FOXN3: variants seen among roughly 807,000 people sequenced by gnomAD.
The protein encoded by FOXN3 is forkhead box protein N3.
FOXN3 carries 7 observed loss-of-function variants against 38.4 expected under a neutral mutation model. That is an observed-to-expected ratio of 0.18 (90% confidence interval 0.10 to 0.34). The LOEUF (loss-of-function observed/expected upper bound fraction) is 0.34, where lower values mean the gene tolerates loss of function less well. Among genes scored for constraint, FOXN3 ranks in the 10% least tolerant of loss-of-function variants. The probability of loss-of-function intolerance (pLI) is 1.00; values close to 1 mark genes in which losing one functional copy is unlikely to be tolerated. For synonymous variants in FOXN3, 230 were observed against 242.2 expected, an observed-to-expected ratio of 0.95 and a Z score of 0.47; for missense variants, 456 against 613.4, an observed-to-expected ratio of 0.74 and a Z score of 2.71.
intron 2 of FOXN3, among the ~76,000 whole-genome samples, chr14:89,398,000 C>T (rs1342148933): frequency 6.6e-6 from 1 of 152,158 alleles, no homozygotes; most frequent in Non-Finnish European, 1.5e-5. Context: ...TCCCTGTCGC[C>T]AGCCCCAGTC....
At chr14:89,202,818 T>A (rs935827508) in intron 4 of FOXN3, among the ~76,000 whole-genome samples, 4 of 152,180 alleles carry the variant, frequency 2.6e-5, no homozygotes, top group Admixed American at 2.6e-4. Context: ...GCCATGAAGT[T>A]GTACAGCCTA....
At chr14:89,318,074 A>C (rs1382671354) in intron 3 of FOXN3, among the ~76,000 whole-genome samples, 2 of 151,268 alleles carry the variant, frequency 1.3e-5, no homozygotes, top group Non-Finnish European at 2.9e-5. Context: ...ATATCCCCCA[A>C]CTAGCCAGTA....
intron 2 of FOXN3, among the ~76,000 whole-genome samples, chr14:89,379,259 T>C (rs931594535): frequency 6.6e-6 from 1 of 152,204 alleles, no homozygotes; most frequent in African/African-American, 2.4e-5. Context: ...CTGGCTGTGC[T>C]GAAACCCATG....
rs139711875 is a variant in FOXN3, at chr14:89,483,098, T to C, written c.-14-70608A>G. On this transcript the variant is annotated intron_variant, in intron 1 of 6. Coordinates refer to the FOXN3 transcript ENST00000345097. ...GGCGCGCTTCTGTAATCCCAGCTAC[T>C]CGGGGGACTGAAGCAGGAGAATCGC... Among the ~76,000 whole-genome samples the C allele has an allele frequency of 6.7e-4, 102 of 152,110 alleles. 3 individuals carry two copies. The East Asian group carries it at 0.017, about 26-fold the overall frequency.
At chr14:89,579,860 T>C (rs1895710714) in intron 1 of FOXN3, among the ~76,000 whole-genome samples, 2 of 152,184 alleles carry the variant, frequency 1.3e-5, no homozygotes, top group African/African-American at 4.8e-5. Context: ...GTGTCTTCAA[T>C]TGAATCATAG....
chr14:89,436,452 G>GT (rs1445473329), intron 1 of FOXN3, among the ~76,000 whole-genome samples: 1 of 152,156 alleles, frequency 6.6e-6, no homozygotes, highest in Non-Finnish European at 1.5e-5. Flanking sequence ...CACATTTGTG[G>GT]TTTCCTCTCC....
intron 4 of FOXN3, among the ~76,000 whole-genome samples, chr14:89,240,003 A>G (rs116967210): frequency 6.6e-6 from 1 of 152,370 alleles, no homozygotes; most frequent in Non-Finnish European, 1.5e-5. Context: ...TTGTTCATCC[A>G]GCAGTGACTG....
chr14:89,476,706 C>T (rs1566669331), intron 1 of FOXN3, among the ~76,000 whole-genome samples: 2 of 152,204 alleles, frequency 1.3e-5, no homozygotes, highest in Non-Finnish European at 2.9e-5. Context: ...CGCCACATTT[C>T]CACCAGGAGA....
chr14:89,225,277 C>G (rs1051830587), intron 4 of FOXN3, among the ~76,000 whole-genome samples: 1 of 151,974 alleles, frequency 6.6e-6, no homozygotes, highest in Non-Finnish European at 1.5e-5. Context: ...TGCACACCAG[C>G]CTGGGTGACA....
intron 4 of FOXN3, among the ~76,000 whole-genome samples, chr14:89,277,235 G>A (rs527958185): frequency 2.6e-5 from 4 of 152,264 alleles, no homozygotes; most frequent in East Asian, 3.9e-4. Flanking sequence ...CATAGAGACC[G>A]TAACACAGAG....
chr14:89,363,543 A>G (rs1368220632), intron 2 of FOXN3, among the ~76,000 whole-genome samples: 1 of 152,202 alleles, frequency 6.6e-6, no homozygotes, highest in Non-Finnish European at 1.5e-5. Context: ...TTAGCTTCAC[A>G]ATCTCTTCAT....
At chr14:89,396,072 C>T (rs1891090931) in intron 2 of FOXN3, among the ~76,000 whole-genome samples, 1 of 152,158 alleles carries the variant, frequency 6.6e-6, no homozygotes, top group Admixed American at 6.5e-5. Flanking sequence ...TGTCCAGAGA[C>T]TCATTCGAAG....
At chr14:89,286,372 C>T (rs1454700233) in intron 3 of FOXN3, among the ~76,000 whole-genome samples, 1 of 152,112 alleles carries the variant, frequency 6.6e-6, no homozygotes. Context: ...AAGCAGAAAG[C>T]CCAAACCAAC....
chr14:89,305,293 C>T lies in FOXN3; in HGVS notation c.681-24279G>A, dbSNP rs20496. Among the ~76,000 whole-genome samples the T allele has an allele frequency of 4.0e-3, 605 of 152,260 alleles. 1 individual carries two copies. The highest frequency in any genetic ancestry group is 0.019 in the South Asian group (93 of 4,830). ...CTGGAGCTTCACATATGTTTCAGAA[C>T]CCATCGTTCAACAAAAACCTCAGAT... On this transcript the variant is annotated intron_variant, in intron 3 of 5. Transcript: ENST00000557258.
chr14:89,538,946 C>T (rs1255348957), intron 1 of FOXN3, among the ~76,000 whole-genome samples: 4 of 151,992 alleles, frequency 2.6e-5, no homozygotes, highest in African/African-American at 7.3e-5. Flanking sequence ...TGGGTTCAAG[C>T]GATTCTCCTG....
At chr14:89,369,723 G>A (rs1298097420) in intron 2 of FOXN3, among the ~76,000 whole-genome samples, 1 of 151,886 alleles carries the variant, frequency 6.6e-6, no homozygotes, top group Non-Finnish European at 1.5e-5. Context: ...CATAAGACTT[G>A]TTCACTATCA....
intron 1 of FOXN3, among the ~76,000 whole-genome samples, chr14:89,444,635 T>C (rs1433920868): frequency 1.3e-5 from 2 of 152,232 alleles, no homozygotes; most frequent in Non-Finnish European, 2.9e-5. Flanking sequence ...AAAGTAGCTT[T>C]CTCTGTATCA....
chr14:89,473,989 T>A lies in FOXN3; in HGVS notation c.-14-61499A>T, dbSNP rs576153902. Among the ~76,000 whole-genome samples, 29 of 152,312 alleles carry A rather than the reference T, an allele frequency of 1.9e-4. No homozygotes were observed. The South Asian group carries it at 6.0e-3, about 32-fold the overall frequency. On this transcript the variant is annotated intron_variant, in intron 1 of 6. Transcript: ENST00000345097. ...ATAGCAAAATACATCAAAACACATATGTCTTACACAGTTGCAATGCAGTCT... is the reference window on the plus strand; with the variant it reads ...ATAGCAAAATACATCAAAACACATAAGTCTTACACAGTTGCAATGCAGTCT...
intron 1 of FOXN3, among the ~76,000 whole-genome samples, chr14:89,523,060 C>T (rs931060069): frequency 1.3e-5 from 2 of 151,982 alleles, no homozygotes; most frequent in African/African-American, 2.4e-5. Flanking sequence ...AAAGAAATCT[C>T]GAATAGCCCT....
Sources: allele counts gnomAD v4.1 joint callset (sites outside exome capture counted in the v4.1 genomes callset), GRCh38; gene constraint gnomAD v4.1.1; transcripts MANE v1.5; gene names NCBI Gene and HGNC (gene_info 2026-07-23, HGNC 2026-07-21).